The following ARHGAP24 variants were observed in gnomAD, a reference collection of about 807,000 sequenced individuals.
The protein encoded by ARHGAP24 is Rho GTPase activating protein 24.
A neutral mutation model predicts 76.4 loss-of-function variants in ARHGAP24; 50 were observed. The ratio of observed to expected loss-of-function variants is 0.65; its 90% CI spans 0.52 to 0.83. The LOEUF (loss-of-function observed/expected upper bound fraction) is 0.83. Ranked by LOEUF, ARHGAP24 falls within the 40% of genes least tolerant of loss-of-function variation. ARHGAP24 has a pLI of 0.00. For synonymous variants in ARHGAP24, 345 were observed against 323.3 expected (o/e 1.07, Z -0.72); for missense variants, 930 against 914.2 (o/e 1.02, Z -0.22).
chr4:85,700,585 G>A (rs1224010810), intron 2 of ARHGAP24, among the ~76,000 whole-genome samples: 1 of 152,028 alleles, frequency 6.6e-6, no homozygotes, highest in South Asian at 2.1e-4. Flanking sequence ...GATGGGTGGT[G>A]GTAATGGTGG....
intron 3 of ARHGAP24, among the ~76,000 whole-genome samples, chr4:85,920,756 C>A (rs1735673826): frequency 6.6e-6 from 1 of 152,018 alleles, no homozygotes; most frequent in South Asian, 2.1e-4. Flanking sequence ...ATGTGGCAAA[C>A]AATCATATGA....
chr4:85,815,209 A>G (rs1029201960), intron 3 of ARHGAP24, among the ~76,000 whole-genome samples: 5 of 151,646 alleles, frequency 3.3e-5, no homozygotes, highest in African/African-American at 1.2e-4. Flanking sequence ...GACCTCTGAC[A>G]TAACTTGGAG....
intron 1 of ARHGAP24, among the ~76,000 whole-genome samples, chr4:85,488,622 T>A (rs1428282993): frequency 6.6e-6 from 1 of 152,172 alleles, no homozygotes; most frequent in African/African-American, 2.4e-5. Flanking sequence ...ACCAGCCTCT[T>A]GAACTTTGGC....
chr4:85,643,216 T>C (rs1220160515), intron 2 of ARHGAP24, among the ~76,000 whole-genome samples: 1 of 150,652 alleles, frequency 6.6e-6, no homozygotes, highest in African/African-American at 2.4e-5. Flanking sequence ...TTTTCTTTTT[T>C]ATTTTCCGTT....
At chr4:85,976,779 CTT>C (rs200270054) in intron 7 of ARHGAP24, among the ~76,000 whole-genome samples, 72,128 of 129,972 alleles carry the variant, frequency 0.55, 19,831 homozygotes, top group East Asian at 0.79. Flanking sequence ...TTTTATTTCT[CTT>C]TTTTTTTTTT....
chr4:85,964,468 T>C (rs1738453090), intron 5 of ARHGAP24, among the ~76,000 whole-genome samples: 1 of 152,070 alleles, frequency 6.6e-6, no homozygotes, highest in African/African-American at 2.4e-5. Flanking sequence ...GTGGAACTCA[T>C]GGATTAATAC....
At chr4:85,658,313 C>A (rs1318433523) in intron 2 of ARHGAP24, among the ~76,000 whole-genome samples, 2 of 152,102 alleles carry the variant, frequency 1.3e-5, no homozygotes, top group Non-Finnish European at 2.9e-5. Flanking sequence ...TGTAGCGGAT[C>A]ATTTTTGGAA....
chr4:85,595,956 T>C (rs1719819003), intron 2 of ARHGAP24, among the ~76,000 whole-genome samples: 1 of 152,042 alleles, frequency 6.6e-6, no homozygotes, highest in South Asian at 2.1e-4. Flanking sequence ...TGCTAAGAAC[T>C]GACTCTGCTC....
intron 3 of ARHGAP24, among the ~76,000 whole-genome samples, chr4:85,735,585 C>T (rs1386211700): frequency 6.6e-6 from 1 of 152,132 alleles, no homozygotes; most frequent in African/African-American, 2.4e-5. Flanking sequence ...TTTCATCCTA[C>T]TCTATTGTCC....
chr4:85,486,317 C>G (rs1158680347), intron 1 of ARHGAP24, among the ~76,000 whole-genome samples: 3 of 151,960 alleles, frequency 2.0e-5, no homozygotes, highest in Non-Finnish European at 4.4e-5. Context: ...GATGAAGCTA[C>G]TGGCATTTAA....
intron 3 of ARHGAP24, among the ~76,000 whole-genome samples, chr4:85,794,314 A>T (rs185183148): frequency 6.6e-6 from 1 of 152,332 alleles, no homozygotes; most frequent in Admixed American, 6.5e-5. Flanking sequence ...CAGAGATGTT[A>T]TATGCCACTG....
At chr4:85,634,780 A>G (rs949139239) in intron 2 of ARHGAP24, among the ~76,000 whole-genome samples, 1 of 151,842 alleles carries the variant, frequency 6.6e-6, no homozygotes, top group African/African-American at 2.4e-5. Context: ...CTTTCCAGTA[A>G]TAAACTCTTG....
intron 8 of ARHGAP24, among the ~76,000 whole-genome samples, chr4:85,985,704 C>T (rs983503755): frequency 8.5e-5 from 13 of 152,196 alleles, no homozygotes; most frequent in Admixed American, 8.5e-4. Context: ...GATCAGACTG[C>T]AGACAGGCAT....
chr4:86,001,129 C>T lies in ARHGAP24; in HGVS notation c.*407C>T, dbSNP rs1467795675. On this transcript the variant is annotated 3_prime_UTR_variant, in exon 10 of 10. Transcript: ENST00000395184. ...GTTATCATCGGCTTATTTTATAGAT[C>T]AATATTTTTATTTCCCTTTTTTGCT... The T allele has an allele frequency of 2.7e-6, 1 of 375,390 alleles. No individual in the cohort carries two copies. Among genetic ancestry groups the T allele is most frequent in the African/African-American group, 2.4e-5 (1 of 42,236 alleles). The allele number at this position is 375,390 out of a possible 1,614,324, so 23.3% of individuals were successfully genotyped here.
chr4:85,779,261 G>C (rs1317164258), intron 3 of ARHGAP24, among the ~76,000 whole-genome samples: 1 of 152,076 alleles, frequency 6.6e-6, no homozygotes, highest in Non-Finnish European at 1.5e-5. Flanking sequence ...TGGTTTTTGT[G>C]TTTTATTGCT....
chr4:85,692,829 A>G (rs1723715827), intron 2 of ARHGAP24, among the ~76,000 whole-genome samples: 1 of 152,216 alleles, frequency 6.6e-6, no homozygotes, highest in Non-Finnish European at 1.5e-5. Flanking sequence ...GTTAAGAACC[A>G]TTGTCAGAGA....
intron 3 of ARHGAP24, among the ~76,000 whole-genome samples, chr4:85,876,473 C>T (rs1259026541): frequency 6.6e-6 from 1 of 152,124 alleles, no homozygotes; most frequent in African/African-American, 2.4e-5. Flanking sequence ...AAGCTCAAAG[C>T]TCAAATACAA....
intron 3 of ARHGAP24, among the ~76,000 whole-genome samples, chr4:85,836,911 C>T (rs1326090586): frequency 2.6e-5 from 4 of 152,164 alleles, no homozygotes; most frequent in African/African-American, 9.7e-5. Flanking sequence ...TTTGTTTGTA[C>T]ATTAAAGTTT....
intron 3 of ARHGAP24, among the ~76,000 whole-genome samples, chr4:85,746,452 G>A (rs1356720617): frequency 6.6e-6 from 1 of 152,108 alleles, no homozygotes; most frequent in Non-Finnish European, 1.5e-5. Context: ...TTCAAGAGAA[G>A]CATTTTTTCT....
Sources: allele counts gnomAD v4.1 joint callset (sites outside exome capture counted in the v4.1 genomes callset), GRCh38; gene constraint gnomAD v4.1.1; transcripts MANE v1.5; gene names NCBI Gene and HGNC (gene_info 2026-07-23, HGNC 2026-07-21).